The following GALNT14 variants were observed in gnomAD, a reference collection of about 807,000 sequenced individuals.
The protein encoded by GALNT14 is polypeptide N-acetylgalactosaminyltransferase 14, also known as UDP-GalNAc:polypeptide N-acetylgalactosaminyltransferase 14.
A neutral mutation model predicts 77.5 loss-of-function variants in GALNT14; 60 were observed. That is an observed-to-expected ratio of 0.77 (90% CI 0.63 to 0.96). The LOEUF (loss-of-function observed/expected upper bound fraction) is 0.96. GALNT14 is among the 40% of genes least tolerant of loss of function. The probability of loss-of-function intolerance (pLI) is 0.00; values close to 1 mark genes in which losing one functional copy is unlikely to be tolerated. For missense variants in GALNT14, 710 were observed against 731.0 expected (o/e 0.97, Z 0.33); for synonymous variants, 280 against 281.7 (o/e 0.99, Z 0.06).
At chr2:30,988,390 T>C (rs966622842) in intron 2 of GALNT14, among the ~76,000 whole-genome samples, 4 of 151,508 alleles carry the variant, frequency 2.6e-5, no homozygotes, top group Admixed American at 1.3e-4. Context: ...GGGCCAGGAG[T>C]GACCCCACAG....
chr2:31,093,711 T>C (rs1236536907), intron 1 of GALNT14, among the ~76,000 whole-genome samples: 1 of 152,256 alleles, frequency 6.6e-6, no homozygotes, highest in Non-Finnish European at 1.5e-5. Context: ...TTCTTATTAT[T>C]ATCTATCATG....
At chr2:31,080,877 T>C (rs546639548) in intron 1 of GALNT14, among the ~76,000 whole-genome samples, 12 of 152,296 alleles carry the variant, frequency 7.9e-5, no homozygotes, top group African/African-American at 2.4e-4. Context: ...AAGATGCAGA[T>C]ACTAAATTTT....
At chr2:30,974,906 G>A (rs1472175296) in intron 2 of GALNT14, among the ~76,000 whole-genome samples, 1 of 152,200 alleles carries the variant, frequency 6.6e-6, no homozygotes, top group Non-Finnish European at 1.5e-5. Flanking sequence ...AAGTGAAGGT[G>A]GGAGGCAGGT....
intron 1 of GALNT14, among the ~76,000 whole-genome samples, chr2:31,015,155 A>G (rs900783212): frequency 7.2e-5 from 11 of 152,058 alleles, no homozygotes; most frequent in Non-Finnish European, 1.5e-4. Context: ...AGCTGGGCAT[A>G]GTGGTGCACT....
chr2:31,062,344 G>A (rs1347129552), intron 1 of GALNT14, among the ~76,000 whole-genome samples: 1 of 152,148 alleles, frequency 6.6e-6, no homozygotes, highest in Non-Finnish European at 1.5e-5. Context: ...AGTTTACTGA[G>A]AATGATGGTT....
At chr2:30,986,923 G>A (rs1669336018) in intron 2 of GALNT14, 1 of 152,210 alleles carries the variant, frequency 6.6e-6, no homozygotes, top group African/African-American at 2.4e-5. Context: ...CAAGCTCCAT[G>A]TTTTGTTCGA....
rs1257091505 is a variant in GALNT14 at position 30,966,290 on chromosome 2, C to G, written c.312G>C (p.Leu104=). 6.2e-7 allele frequency: 1 copy of G among 1,613,190 alleles called. No individual in the cohort carries two copies. Among genetic ancestry groups the G allele is most frequent in the East Asian group, 2.2e-5 (1 of 44,850 alleles). The change falls in exon 3 of 15, where the codon CTG becomes CTC. Residue 104 remains leucine, a synonymous_variant. Coordinates refer to ENST00000349752, the MANE Select transcript of GALNT14 (RefSeq NM_024572.4). ...TGGGTGGAAGGTCCGTGCAATACAC[C>G]AGCAGTGTGCATCTGGGGAAGGAAA... ...PDTRHLRCTL[L]VYCTDLPPTS...
In GALNT14 at chr2:31,033,653, C is replaced by T. The variant is rs182145649; in HGVS notation, c.130-40646G>A. Among the ~76,000 whole-genome samples, 1,308 of 152,220 alleles carry T rather than the reference C, an allele frequency of 8.6e-3. 50 individuals are homozygous for T. In the East Asian group the frequency reaches 0.11, roughly 12 times the overall value. On this transcript the variant is annotated intron_variant, in intron 1 of 14. Transcript: ENST00000349752. ...CTGCCCTGACCCTTTGGCTCCTTCC[C>T]TCCCTGGCCTGCCTGCATCCCTAAC...
At chr2:30,922,866 C>A (rs1665114518) in intron 13 of GALNT14, among the ~76,000 whole-genome samples, 1 of 152,120 alleles carries the variant, frequency 6.6e-6, no homozygotes. Flanking sequence ...TAAATGAATT[C>A]ATGGATAGAT....
intron 1 of GALNT14, among the ~76,000 whole-genome samples, chr2:31,003,659 T>C (rs1260202270): frequency 6.6e-6 from 1 of 152,228 alleles, no homozygotes; most frequent in African/African-American, 2.4e-5. Flanking sequence ...GCGCTCCACA[T>C]GCATTACAAC....
intron 1 of GALNT14, among the ~76,000 whole-genome samples, chr2:31,096,404 C>G (rs1008738328): frequency 1.3e-5 from 2 of 152,154 alleles, no homozygotes; most frequent in African/African-American, 4.8e-5. Context: ...GCATATGGCC[C>G]TGGCTAAGTC....
rs796379288 is a variant in GALNT14, at chr2:30,986,869, T to C, written c.299+5969A>G. The C allele has an allele frequency of 5.3e-5, 8 of 152,172 alleles. No homozygotes were observed. The South Asian group carries it at 6.2e-4, about 12-fold the overall frequency. The allele number at this position is 152,172 out of a possible 1,614,324, so 9.4% of individuals were successfully genotyped here. On this transcript the variant is annotated intron_variant, in intron 2 of 14. Coordinates refer to ENST00000349752, the MANE Select transcript of GALNT14 (RefSeq NM_024572.4). ...AAGTCTCTCCTCTGTGTGAGCAGAA[T>C]TGTTGACCTCATGAGGGGAAGTTGG...
intron 9 of GALNT14, among the ~76,000 whole-genome samples, chr2:30,934,064 C>T (rs983252924): frequency 6.6e-6 from 1 of 152,206 alleles, no homozygotes; most frequent in Non-Finnish European, 1.5e-5. Context: ...GCAGGAGACA[C>T]CTGAAATGTG....
At chr2:31,105,200 A>C (rs757715971) in intron 1 of GALNT14, among the ~76,000 whole-genome samples, 13 of 152,108 alleles carry the variant, frequency 8.5e-5, no homozygotes, top group Admixed American at 5.2e-4. Flanking sequence ...TATTTTATTC[A>C]ATAGGTTGTA....
chr2:31,082,944 G>C (rs762394354), intron 1 of GALNT14, among the ~76,000 whole-genome samples: 2 of 152,268 alleles, frequency 1.3e-5, no homozygotes, highest in Admixed American at 1.3e-4. Context: ...CTTGAACTTG[G>C]GAGGCGGAGG....
At chr2:31,111,752 A>T (rs1319060555) in intron 1 of GALNT14, among the ~76,000 whole-genome samples, 3 of 148,708 alleles carry the variant, frequency 2.0e-5, no homozygotes, top group Non-Finnish European at 4.5e-5. Context: ...TGCTTAAAAC[A>T]TTTTTTTTTT....
At chr2:31,033,258 T>G (rs1231443488) in intron 1 of GALNT14, among the ~76,000 whole-genome samples, 1 of 152,122 alleles carries the variant, frequency 6.6e-6, no homozygotes, top group Non-Finnish European at 1.5e-5. Context: ...GCTCCCCCTT[T>G]GCAAAACTCA....
intron 1 of GALNT14, among the ~76,000 whole-genome samples, chr2:31,128,636 C>A (rs533683489): frequency 2.4e-4 from 37 of 152,292 alleles, no homozygotes; most frequent in African/African-American, 8.7e-4. Flanking sequence ...ACCCTGCAGG[C>A]CCAGGAGGGA....
chr2:31,050,789 T>C (rs901125221), intron 1 of GALNT14, among the ~76,000 whole-genome samples: 1 of 132,714 alleles, frequency 7.5e-6, no homozygotes, highest in Non-Finnish European at 1.6e-5. Flanking sequence ...TTTTTTTTTT[T>C]CAAATAGCAA....
Sources: gnomAD v4.1 joint callset for allele counts (sites outside exome capture counted in the v4.1 genomes callset) on GRCh38, gnomAD v4.1.1 for gene constraint, MANE v1.5 for transcripts, NCBI Gene and HGNC (gene_info 2026-07-23, HGNC 2026-07-21) for gene names.